Variants in QTMAN observed in about 807,000 individuals in gnomAD.
QTMAN encodes tRNA-queuosine alpha-mannosyltransferase.
At chr2:144,267,756 C>T in the QTMAN span, among the ~76,000 whole-genome samples, 1 of 152,092 alleles carries the variant, frequency 6.6e-6, no homozygotes, top group Non-Finnish European at 1.5e-5. Flanking sequence ...AATTTTCCTG[C>T]AACTGAAAGA....
At chr2:143,972,331 A>G in the QTMAN span, among the ~76,000 whole-genome samples, 1 of 152,180 alleles carries the variant, frequency 6.6e-6, no homozygotes, top group Non-Finnish European at 1.5e-5. Flanking sequence ...TCTTAAAGTG[A>G]TAGTATCACC....
At chr2:144,203,490 T>G in the QTMAN span, among the ~76,000 whole-genome samples, 2 of 152,210 alleles carry the variant, frequency 1.3e-5, no homozygotes, top group South Asian at 4.2e-4. Context: ...ACAGCAAGAC[T>G]GGTACAGAAA....
chr2:144,022,189 T>C, the QTMAN span, among the ~76,000 whole-genome samples: 8 of 152,220 alleles, frequency 5.3e-5, no homozygotes, highest in African/African-American at 1.9e-4. Context: ...GAATATTGCC[T>C]CTTAAAATTT....
At chr2:143,996,583 A>G in the QTMAN span, among the ~76,000 whole-genome samples, 3 of 152,162 alleles carry the variant, frequency 2.0e-5, no homozygotes, top group Non-Finnish European at 2.9e-5. Context: ...GGGCAGTTAC[A>G]TAAGGCTCAC....
chr2:144,129,315 A>G, the QTMAN span, among the ~76,000 whole-genome samples: 1 of 151,898 alleles, frequency 6.6e-6, no homozygotes, highest in Non-Finnish European at 1.5e-5. Context: ...TGAACTCAAG[A>G]GCTGATGACA....
chr2:143,982,232 TTCTC>T, the QTMAN span, among the ~76,000 whole-genome samples: 13 of 151,184 alleles, frequency 8.6e-5, no homozygotes, highest in African/African-American at 2.9e-4. Context: ...TTTTCTTTCT[TTCTC>T]TTTTTTTTTT....
At chr2:144,155,782 G>C in the QTMAN span, among the ~76,000 whole-genome samples, 1 of 152,084 alleles carries the variant, frequency 6.6e-6, no homozygotes, top group African/African-American at 2.4e-5. Context: ...AGTACAGAGT[G>C]GCTTTTGGAC....
At chr2:144,055,993 C>T in the QTMAN span, among the ~76,000 whole-genome samples, 10 of 152,240 alleles carry the variant, frequency 6.6e-5, no homozygotes, top group African/African-American at 2.4e-4. Flanking sequence ...CCTCACCTCT[C>T]TGTGACTCAA....
At chr2:144,288,123 C>A in the QTMAN span, among the ~76,000 whole-genome samples, 1 of 152,156 alleles carries the variant, frequency 6.6e-6, no homozygotes, top group Non-Finnish European at 1.5e-5. Context: ...CCCACCTCGG[C>A]CTCCCAAAGT....
At chr2:144,074,465 A>C in the QTMAN span, among the ~76,000 whole-genome samples, 2 of 152,222 alleles carry the variant, frequency 1.3e-5, no homozygotes, top group African/African-American at 4.8e-5. Flanking sequence ...CATTTTTCTA[A>C]AACTGAAAAA....
chr2:144,303,875 C>T, the QTMAN span, among the ~76,000 whole-genome samples: 5 of 152,232 alleles, frequency 3.3e-5, no homozygotes, highest in South Asian at 1.0e-3. Flanking sequence ...CTCTCTGCAT[C>T]ATGGTGGGAG....
chr2:144,303,181 A>G, the QTMAN span, among the ~76,000 whole-genome samples: 1 of 152,166 alleles, frequency 6.6e-6, no homozygotes, highest in South Asian at 2.1e-4. Context: ...TTTCACAGAG[A>G]GCACTGAAGA....
At chr2:143,955,287 T>C in the QTMAN span, among the ~76,000 whole-genome samples, 1 of 152,162 alleles carries the variant, frequency 6.6e-6, no homozygotes. Flanking sequence ...GATTAAAACA[T>C]TGCTGCTTTA....
At chr2:143,942,511 T>C in the QTMAN span, 3 of 167,290 alleles carry the variant, frequency 1.8e-5, no homozygotes, top group Non-Finnish European at 4.4e-5. Context: ...CTGAGAGCTC[T>C]TGTGCTCTAA....
At chr2:143,980,842 T>C in the QTMAN span, among the ~76,000 whole-genome samples, 34 of 152,200 alleles carry the variant, frequency 2.2e-4, no homozygotes, top group African/African-American at 7.7e-4. Flanking sequence ...TCCTTCGATA[T>C]CTCTTAACTC....
chr2:144,159,139 T>G, the QTMAN span, among the ~76,000 whole-genome samples: 1 of 152,058 alleles, frequency 6.6e-6, no homozygotes, highest in Non-Finnish European at 1.5e-5. Context: ...TGAAGATTAA[T>G]CAAGACAAGA....
At chr2:144,153,965 A>G in the QTMAN span, among the ~76,000 whole-genome samples, 2 of 152,180 alleles carry the variant, frequency 1.3e-5, no homozygotes, top group Non-Finnish European at 2.9e-5. Context: ...AGCAGTTACT[A>G]AGAGGTAAAG....
chr2:144,053,025 C>T, the QTMAN span, among the ~76,000 whole-genome samples: 31 of 152,232 alleles, frequency 2.0e-4, no homozygotes, highest in African/African-American at 7.2e-4. Flanking sequence ...ACATACATAT[C>T]GATGTCCAAA....
At chr2:144,140,164 C>G in the QTMAN span, among the ~76,000 whole-genome samples, 1 of 151,944 alleles carries the variant, frequency 6.6e-6, no homozygotes, top group Non-Finnish European at 1.5e-5. Context: ...AGGCTAAGAC[C>G]TTGCTTATGA....
Sources: gnomAD v4.1 joint callset for allele counts (sites outside exome capture counted in the v4.1 genomes callset) on GRCh38, gnomAD v4.1.1 for gene constraint, MANE v1.5 for transcripts, NCBI Gene and HGNC (gene_info 2026-07-23, HGNC 2026-07-21) for gene names.